Variants in SP4 observed in about 807,000 individuals in gnomAD.
SP4 encodes the protein transcription factor Sp4.
In SP4, 19 loss-of-function variants were observed where a neutral mutation model predicts 72.8. That is an observed-to-expected ratio of 0.26 (90% confidence interval 0.18 to 0.38). The LOEUF is 0.38. Among genes scored for constraint, SP4 ranks in the 10% least tolerant of loss-of-function variants. The probability of loss-of-function intolerance (pLI) is 1.00; values close to 1 mark genes in which losing one functional copy is unlikely to be tolerated. For missense variants in SP4, 1,008 were observed against 926.3 expected (o/e 1.09, Z -1.14); for synonymous variants, 395 against 333.1 (o/e 1.19, Z -2.02).
intron 4 of SP4, among the ~76,000 whole-genome samples, chr7:21,477,678 G>A (rs907219336): frequency 4.6e-5 from 7 of 151,652 alleles, no homozygotes; most frequent in Non-Finnish European, 8.8e-5. Flanking sequence ...CTGGGATTAA[G>A]TACAGGTGCC....
In SP4 at chr7:21,442,194, A is replaced by G. The variant is rs572079487; in HGVS notation, c.1678+11351A>G. Among the ~76,000 whole-genome samples, 10 of 151,382 alleles carry G rather than the reference A, an allele frequency of 6.6e-5. No homozygotes were observed. The South Asian group carries it at 2.1e-3, about 32-fold the overall frequency. On this transcript the variant is annotated intron_variant, in intron 3 of 5. Transcript: ENST00000222584. The stretch of plus-strand genomic sequence containing the variant: ...GCTGAGATTACAGGCACCCGCCACC[A>G]CGCCCAGCCAATTTTTGTATTTTTA...
intron 3 of SP4, among the ~76,000 whole-genome samples, chr7:21,453,016 G>A (rs1783648757): frequency 1.3e-5 from 2 of 152,258 alleles, no homozygotes; most frequent in East Asian, 3.9e-4. Context: ...CTGACCTTGT[G>A]ATCTGCCTGC....
At chr7:21,466,255 G>A (rs186650503) in intron 3 of SP4, among the ~76,000 whole-genome samples, 57 of 152,300 alleles carry the variant, frequency 3.7e-4, no homozygotes, top group African/African-American at 1.3e-3. Context: ...GAAGTTTGCT[G>A]TATGAATAAA....
intron 3 of SP4, 140 bp downstream of exon 3, chr7:21,430,983 C>G (rs1032725105): frequency 4.8e-6 from 3 of 623,736 alleles, no homozygotes; most frequent in Non-Finnish European, 8.4e-6. Context: ...CAATATTATA[C>G]TAACAAACAT....
rs143860231 is a variant in SP4 at position 21,491,139 on chromosome 7, A to G, written c.2107+9016A>G. Among the ~76,000 whole-genome samples, 13 of 152,342 alleles carry G rather than the reference A, an allele frequency of 8.5e-5. No homozygotes were observed. In the East Asian group the frequency reaches 2.3e-3, roughly 27 times the overall value. The stretch of plus-strand genomic sequence containing the variant: ...GACCTTTAAAGCAGCTCTTATAGCC[A>G]TGATCCATGGACTAAAGATAAGCGT... On this transcript the variant is annotated intron_variant, in intron 5 of 5. Coordinates refer to ENST00000222584, the MANE Select transcript of SP4 (RefSeq NM_003112.5).
intron 5 of SP4, among the ~76,000 whole-genome samples, chr7:21,486,433 C>G (rs1784813339): frequency 6.6e-6 from 1 of 152,114 alleles, no homozygotes; most frequent in Non-Finnish European, 1.5e-5. Context: ...GAATAACACA[C>G]TGCATTTGTT....
At chr7:21,466,507 A>C (rs1784172562) in intron 3 of SP4, among the ~76,000 whole-genome samples, 1 of 152,200 alleles carries the variant, frequency 6.6e-6, no homozygotes, top group Non-Finnish European at 1.5e-5. Flanking sequence ...ACTCAGAAAC[A>C]GGTCTGCTTG....
chr7:21,467,712 A>C (rs1784210945), intron 3 of SP4, among the ~76,000 whole-genome samples: 1 of 152,150 alleles, frequency 6.6e-6, no homozygotes, highest in South Asian at 2.1e-4. Flanking sequence ...GGCAGATTCC[A>C]AGTTTAATCT....
At chr7:21,459,259 A>T (rs1255848765) in intron 3 of SP4, among the ~76,000 whole-genome samples, 2 of 152,156 alleles carry the variant, frequency 1.3e-5, no homozygotes, top group East Asian at 3.8e-4. Context: ...AGCTGGTACT[A>T]CAGGCATGTA....
chr7:21,436,538 G>A (rs1161389392), intron 3 of SP4, among the ~76,000 whole-genome samples: 1 of 152,106 alleles, frequency 6.6e-6, no homozygotes, highest in African/African-American at 2.4e-5. Context: ...CAGAAATATG[G>A]GTCGAAGATT....
chr7:21,440,851 AAACAAC>A (rs779338567), intron 3 of SP4, among the ~76,000 whole-genome samples: 88 of 138,492 alleles, frequency 6.4e-4, no homozygotes, highest in South Asian at 1.4e-3. Flanking sequence ...CCCTGTCTCA[AAACAAC>A]AACAACAACA....
intron 3 of SP4, among the ~76,000 whole-genome samples, chr7:21,469,317 A>G (rs1784258665): frequency 6.6e-6 from 1 of 152,192 alleles, no homozygotes; most frequent in Non-Finnish European, 1.5e-5. Flanking sequence ...AACTTAGATC[A>G]TCACATCAAA....
chr7:21,481,134 C>A (rs1784673365), intron 4 of SP4, among the ~76,000 whole-genome samples: 1 of 152,138 alleles, frequency 6.6e-6, no homozygotes, highest in Non-Finnish European at 1.5e-5. Context: ...TTCATCATGC[C>A]ACATCCAAGG....
chr7:21,509,224 G>C (rs372793628), intron 5 of SP4, among the ~76,000 whole-genome samples: 2 of 152,052 alleles, frequency 1.3e-5, no homozygotes, highest in East Asian at 3.9e-4. Context: ...GGTATAGCAG[G>C]TAAAAGAAAT....
Position 21,430,235 on chromosome 7 carries a change from G to A in SP4, c.1070G>A (p.Arg357His), listed in dbSNP as rs1451040159. The change falls in exon 3 of 6, where the codon CGC becomes CAC. Residue 357 changes from arginine to histidine, a missense_variant. Physicochemically the swap from Arg to His is conservative, Grantham distance 29. This residue lies in a region of SP4 where 893 missense variants were observed against 743.3 expected (regional missense o/e 1.20). Coordinates refer to ENST00000222584, the MANE Select transcript of SP4 (RefSeq NM_003112.5). ...AGCACATCAGCCAGTAGTTCTGAACGCACCATTGAAGAATCTCAAACACCT... is the reference window on the plus strand; with the variant it reads ...AGCACATCAGCCAGTAGTTCTGAACACACCATTGAAGAATCTCAAACACCT... The part of the protein sequence containing the change: ...YASTSASSSE[R>H]TIEESQTPAA... 2 of 1,614,036 alleles carry A rather than the reference G, an allele frequency of 1.2e-6. No individual in the cohort carries two copies. Among genetic ancestry groups the A allele is most frequent in the South Asian group, 1.1e-5 (1 of 91,088 alleles).
chr7:21,459,200 A>G (rs1278396414), intron 3 of SP4, among the ~76,000 whole-genome samples: 1 of 152,032 alleles, frequency 6.6e-6, no homozygotes. Context: ...GCTCACTGCA[A>G]CCTCCGCCTC....
At chr7:21,466,193 A>G (rs1784163082) in intron 3 of SP4, among the ~76,000 whole-genome samples, 1 of 152,086 alleles carries the variant, frequency 6.6e-6, no homozygotes, top group Non-Finnish European at 1.5e-5. Flanking sequence ...TTCTGGTCAG[A>G]TCTTATTTAT....
At chr7:21,489,467 C>G (rs982759354) in intron 5 of SP4, among the ~76,000 whole-genome samples, 1 of 149,588 alleles carries the variant, frequency 6.7e-6, no homozygotes, top group Non-Finnish European at 1.5e-5. Context: ...ACTTGCAGGC[C>G]TACACCACTA....
chr7:21,451,475 G>A (rs1859354), intron 3 of SP4, among the ~76,000 whole-genome samples: 1 of 152,078 alleles, frequency 6.6e-6, no homozygotes, highest in Non-Finnish European at 1.5e-5. Flanking sequence ...CAGTTCTTTG[G>A]GGAAAATGGA....
Sources: gnomAD v4.1 joint callset for allele counts (sites outside exome capture counted in the v4.1 genomes callset) on GRCh38, gnomAD v4.1.1 for gene constraint, gnomAD v4.1.1 regional missense constraint, MANE v1.5 for transcripts, NCBI Gene and HGNC (gene_info 2026-07-23, HGNC 2026-07-21) for gene names.